The following GNA12 variants were observed in gnomAD, a reference collection of about 807,000 sequenced individuals.
GNA12 encodes G protein subunit alpha 12, also known as guanine nucleotide-binding protein subunit alpha-12.
GNA12 carries 9 observed loss-of-function variants against 26.0 expected under a neutral mutation model. The ratio of observed to expected loss-of-function variants is 0.35; its 90% CI spans 0.21 to 0.60. GNA12 has a LOEUF of 0.60. GNA12 is among the 20% of genes least tolerant of loss of function. The pLI is 0.78. For missense variants in GNA12, 405 were observed against 525.8 expected (o/e 0.77, Z 2.25); for synonymous variants, 264 against 219.6 (o/e 1.20, Z -1.79).
intron 2 of GNA12, among the ~76,000 whole-genome samples, chr7:2,786,351 G>T (rs1001007976): frequency 6.6e-6 from 1 of 152,038 alleles, no homozygotes; most frequent in African/African-American, 2.4e-5. Flanking sequence ...TGGAAAAAAC[G>T]GGCGCCTGGC....
chr7:2,814,297 C>G (rs777441928), intron 1 of GNA12: 1 of 1,413,236 alleles, frequency 7.1e-7, no homozygotes, highest in South Asian at 1.1e-5. Flanking sequence ...AGGAGTTGAA[C>G]GGAGTGAGAC....
rs1205275101 is a variant in GNA12, at chr7:2,773,822, C to T, written c.525+21106G>A. 2.6e-5 allele frequency among the ~76,000 whole-genome samples: 4 copies of T among 152,302 alleles called. No homozygotes were observed. In the East Asian group the frequency reaches 7.7e-4, roughly 29 times the overall value. Reference sequence around the variant, plus strand: ...CACCAAAAGACAGGTTCTTGAATACCTACAGTAACATTTTTGTAATGACGC... The same window carrying T: ...CACCAAAAGACAGGTTCTTGAATACTTACAGTAACATTTTTGTAATGACGC... On this transcript the variant is annotated intron_variant, in intron 2 of 3. Coordinates refer to ENST00000275364, the MANE Select transcript of GNA12 (RefSeq NM_007353.3).
chr7:2,750,567 A>C (rs1202274856), intron 2 of GNA12, among the ~76,000 whole-genome samples: 1 of 152,242 alleles, frequency 6.6e-6, no homozygotes, highest in Non-Finnish European at 1.5e-5. Context: ...GAACAATTGT[A>C]ACAACACACT....
At chr7:2,775,643 C>T (rs1339365654) in intron 2 of GNA12, 2 of 152,234 alleles carry the variant, frequency 1.3e-5, no homozygotes, top group Admixed American at 6.5e-5. Context: ...TACCCAACAG[C>T]CTGTTCTAAC....
chr7:2,762,646 C>T (rs767866821), intron 2 of GNA12: 219 of 1,596,878 alleles, frequency 1.4e-4, no homozygotes, highest in Non-Finnish European at 1.8e-4. Flanking sequence ...AAGCACAGAG[C>T]GGCAGGACGA....
intron 1 of GNA12, among the ~76,000 whole-genome samples, chr7:2,828,234 G>A (rs553489382): frequency 6.6e-6 from 1 of 152,264 alleles, no homozygotes; most frequent in East Asian, 1.9e-4. Context: ...AGGAATACAG[G>A]GAGAAAAGGC....
intron 2 of GNA12, among the ~76,000 whole-genome samples, chr7:2,784,755 A>C (rs1431262091): frequency 6.6e-6 from 1 of 151,524 alleles, no homozygotes; most frequent in African/African-American, 2.4e-5. Flanking sequence ...GCGCCCTCTC[A>C]CTCCTTTAGC....
rs570118448 is a variant in GNA12 at position 2,822,104 on chromosome 7, CTAGCTAAAAAA to C, written c.309+21738_309+21748del. On this transcript the variant is annotated intron_variant, in intron 1 of 3. Coordinates refer to ENST00000275364, the MANE Select transcript of GNA12 (RefSeq NM_007353.3). ...TTACCACCAACATTTCTTAACAAAC[CTAGCTAAAAAA>C]CGTTAGAATGTGCTTAGCCTTCCCA... Among the ~76,000 whole-genome samples, 300 of 152,302 alleles carry C rather than the reference CTAGCTAAAAAA, an allele frequency of 2.0e-3. 3 individuals carry two copies. Among genetic ancestry groups the C allele is most frequent in the African/African-American group, 6.8e-3 (282 of 41,574 alleles).
At chr7:2,756,007 A>C (rs1479706485) in intron 2 of GNA12, among the ~76,000 whole-genome samples, 2 of 152,250 alleles carry the variant, frequency 1.3e-5, no homozygotes, top group Non-Finnish European at 2.9e-5. Flanking sequence ...CCACAGAATA[A>C]CAAACCATTT....
chr7:2,732,581 C>CA (rs1789954201), intron 3 of GNA12, among the ~76,000 whole-genome samples: 1 of 152,100 alleles, frequency 6.6e-6, no homozygotes, highest in Non-Finnish European at 1.5e-5. Context: ...AAAAAACCAA[C>CA]AAAACACCTC....
chr7:2,730,927 C>T lies in GNA12; in HGVS notation c.*254G>A, dbSNP rs1250037127. On this transcript the variant is annotated 3_prime_UTR_variant, in exon 4 of 4. Transcript: ENST00000275364. ...AAGCAAGCTGTGTGATTAGGTGTTC[C>T]GTATTCACAACATCATCACTCGGAT... 29 of 475,148 alleles carry T rather than the reference C, an allele frequency of 6.1e-5. No homozygotes were observed. The highest frequency in any genetic ancestry group is 1.1e-4 in the Non-Finnish European group (29 of 262,212). The allele number at this position is 475,148 out of a possible 1,614,324, so 29.4% of individuals were successfully genotyped here. A position where few individuals can be genotyped will look rare whatever the true frequency, so the allele number is the denominator to read the frequency against.
At chr7:2,802,953 A>G (rs1291422993) in intron 1 of GNA12, among the ~76,000 whole-genome samples, 1 of 151,918 alleles carries the variant, frequency 6.6e-6, no homozygotes, top group Non-Finnish European at 1.5e-5. Flanking sequence ...CCCCACCATA[A>G]CTCCGCGGAT....
chr7:2,803,245 G>A (rs1583294584), intron 1 of GNA12, among the ~76,000 whole-genome samples: 1 of 152,194 alleles, frequency 6.6e-6, no homozygotes, highest in South Asian at 2.1e-4. Context: ...CAGGACCGTC[G>A]GAGGACAGCC....
intron 2 of GNA12, among the ~76,000 whole-genome samples, chr7:2,785,073 G>A (rs2266922): frequency 0.42 from 63,425 of 151,896 alleles, 13,475 homozygotes; most frequent in Admixed American, 0.47. Flanking sequence ...AATACTCTTC[G>A]TGATTAATGA....
chr7:2,735,610 C>T (rs1298228802), intron 2 of GNA12, among the ~76,000 whole-genome samples: 3 of 152,204 alleles, frequency 2.0e-5, no homozygotes, highest in Admixed American at 1.3e-4. Context: ...CCCCCAGCTG[C>T]ACTTCACAAC....
intron 1 of GNA12, among the ~76,000 whole-genome samples, chr7:2,803,685 G>A (rs1389208624): frequency 6.6e-6 from 1 of 152,082 alleles, no homozygotes; most frequent in Non-Finnish European, 1.5e-5. Flanking sequence ...AGCTTCTCAA[G>A]AGGAGATGGA....
chr7:2,779,216 G>A (rs1442627336), intron 2 of GNA12, among the ~76,000 whole-genome samples: 3 of 152,120 alleles, frequency 2.0e-5, no homozygotes, highest in Admixed American at 6.5e-5. Flanking sequence ...CTGATGTGGT[G>A]GCATGCCTGT....
At position 2,737,274 on chromosome 7, in the gene GNA12, G is replaced by GTTTTGTTTTGTT. The variant is rs1790242698; in HGVS notation, c.526-3774_526-3773insAACAAAACAAAA. On this transcript the variant is annotated intron_variant, in intron 2 of 3. Coordinates refer to ENST00000275364, the MANE Select transcript of GNA12 (RefSeq NM_007353.3). ...AGGAGCTATCTCACAGTTTTGTTTTGTTTTTTTTTTTTTTGTTTTTTTTTT... is the reference window on the plus strand; with the variant it reads ...AGGAGCTATCTCACAGTTTTGTTTTGTTTTGTTTTGTTTTTTTTTTTTTTTTGTTTTTTTTTT... Among the ~76,000 whole-genome samples, 48 of 35,038 alleles carry GTTTTGTTTTGTT rather than the reference G, an allele frequency of 1.4e-3. 1 individual carries two copies. Among genetic ancestry groups the GTTTTGTTTTGTT allele is most frequent in the African/African-American group, 4.7e-3 (48 of 10,136 alleles). 23.0% of individuals were successfully genotyped at this position (35,038 alleles called of 152,430 possible).
intron 1 of GNA12, among the ~76,000 whole-genome samples, chr7:2,816,157 T>C (rs1272254587): frequency 6.6e-6 from 1 of 151,988 alleles, no homozygotes. Context: ...GCAATTATGG[T>C]AAGTAATGTG....
Sources: allele counts gnomAD v4.1 joint callset (sites outside exome capture counted in the v4.1 genomes callset), GRCh38; gene constraint gnomAD v4.1.1; transcripts MANE v1.5; gene names NCBI Gene and HGNC (gene_info 2026-07-23, HGNC 2026-07-21).